The following SBF2 variants were observed in gnomAD, a reference collection of about 807,000 sequenced individuals.
SBF2 encodes the protein myotubularin-related protein 13.
SBF2 carries 112 observed loss-of-function variants against 225.2 expected under a neutral mutation model. The observed-to-expected ratio is 0.50, with a 90% CI of 0.43 to 0.58. The LOEUF is 0.58. Among genes scored for constraint, SBF2 ranks in the 20% least tolerant of loss-of-function variants. SBF2 has a pLI of 0.00. For missense variants in SBF2, 1,996 were observed against 2,206.2 expected, an observed-to-expected ratio of 0.90 and a Z score of 1.91; for synonymous variants, 763 against 773.3, an observed-to-expected ratio of 0.99 and a Z score of 0.22.
chr11:10,227,369 T>C (rs576292787), intron 1 of SBF2, among the ~76,000 whole-genome samples: 1 of 152,328 alleles, frequency 6.6e-6, no homozygotes, highest in East Asian at 1.9e-4. Flanking sequence ...CCATTGCTTT[T>C]GGTGTTTTAG....
intron 1 of SBF2, among the ~76,000 whole-genome samples, chr11:10,212,973 C>T (rs761644983): frequency 1.2e-4 from 18 of 151,756 alleles, no homozygotes; most frequent in African/African-American, 3.6e-4. Context: ...CGCTTGAACC[C>T]GGGAGGCGGA....
At chr11:10,241,642 A>C (rs1248824285) in intron 1 of SBF2, among the ~76,000 whole-genome samples, 2 of 152,152 alleles carry the variant, frequency 1.3e-5, no homozygotes, top group Non-Finnish European at 2.9e-5. Flanking sequence ...TATTATGAAC[A>C]ATGTTATGGT....
intron 2 of SBF2, among the ~76,000 whole-genome samples, chr11:10,142,482 T>G (rs1277739822): frequency 6.6e-6 from 1 of 152,150 alleles, no homozygotes; most frequent in Non-Finnish European, 1.5e-5. Flanking sequence ...GGGCAAAACA[T>G]TTTTTCCTTC....
intron 2 of SBF2, among the ~76,000 whole-genome samples, chr11:10,108,046 T>C (rs1952631933): frequency 6.6e-6 from 1 of 152,194 alleles, no homozygotes; most frequent in Non-Finnish European, 1.5e-5. Flanking sequence ...TTCATGGATA[T>C]AAATGTATAT....
chr11:10,176,202 G>A (rs1459667056), intron 2 of SBF2, among the ~76,000 whole-genome samples: 1 of 146,272 alleles, frequency 6.8e-6, no homozygotes, highest in East Asian at 2.0e-4. Context: ...TGTGTAGAGG[G>A]AAATTTATAG....
intron 6 of SBF2, among the ~76,000 whole-genome samples, chr11:10,007,228 A>G (rs960945481): frequency 8.5e-5 from 13 of 152,200 alleles, no homozygotes; most frequent in African/African-American, 2.4e-4. Flanking sequence ...GGGATGCCCT[A>G]TTCAGGATAA....
intron 2 of SBF2, among the ~76,000 whole-genome samples, chr11:10,127,467 A>G (rs1953809699): frequency 6.6e-6 from 1 of 152,078 alleles, no homozygotes; most frequent in Non-Finnish European, 1.5e-5. Flanking sequence ...TATCTCATCA[A>G]CATCCCTCCA....
At chr11:9,967,992 A>ATATATAT (rs1565073558) in intron 14 of SBF2, among the ~76,000 whole-genome samples, 72 of 131,848 alleles carry the variant, frequency 5.5e-4, no homozygotes, top group Non-Finnish European at 1.0e-3. Context: ...TATATATATA[A>ATATATAT]AATATATATA....
chr11:10,190,977 C>T (rs767951720), intron 2 of SBF2, among the ~76,000 whole-genome samples: 72 of 152,282 alleles, frequency 4.7e-4, no homozygotes, highest in Middle Eastern at 3.4e-3. Context: ...TGTATCCTTG[C>T]TGTTAGATCT....
chr11:9,805,763 C>T (rs1853788899), intron 32 of SBF2, among the ~76,000 whole-genome samples: 2 of 152,182 alleles, frequency 1.3e-5, no homozygotes, highest in South Asian at 2.1e-4. Flanking sequence ...GCTGGGACTA[C>T]AGGCGTGCGC....
intron 1 of SBF2, among the ~76,000 whole-genome samples, chr11:10,260,702 CA>C (rs56816687): frequency 0.053 from 3,215 of 60,880 alleles, 58 homozygotes; most frequent in African/African-American, 0.13. Context: ...GATTCCATCT[CA>C]AAAAAAAAAA....
chr11:9,992,747 T>C (rs1947493744), intron 11 of SBF2, among the ~76,000 whole-genome samples: 1 of 152,142 alleles, frequency 6.6e-6, no homozygotes, highest in East Asian at 1.9e-4. Context: ...TGTCTACATG[T>C]CAGGAGAAGA....
rs1964617577 is a variant in SBF2 at position 10,303,510 on chromosome 11, C to T, written n.386+982G>A. 6.6e-6 allele frequency: 1 copy of T among 152,334 alleles called. No homozygotes were observed. Among genetic ancestry groups the T allele is most frequent in the Admixed American group, 6.5e-5 (1 of 15,292 alleles). 9.4% of individuals were successfully genotyped at this position (152,334 alleles called of 1,614,324 possible). On this transcript the variant is annotated intron_variant and non_coding_transcript_variant, in intron 1 of 5. Coordinates refer to the SBF2 transcript ENST00000685217. The surrounding 1 kb of genome is among the most constrained non-coding windows in gnomAD (Gnocchi z 5.2). ...CCACTCTGGGCAAGGTCCGCGCGAC[C>T]CACTGCCCAGCCGCCTTTGCACCGG...
At chr11:9,906,338 TG>T (rs1862115461) in intron 16 of SBF2, among the ~76,000 whole-genome samples, 2 of 152,282 alleles carry the variant, frequency 1.3e-5, no homozygotes, top group East Asian at 3.9e-4. Context: ...TGACAACAGC[TG>T]TGATATGAAG....
At chr11:10,101,911 G>A (rs1323512664) in intron 2 of SBF2, among the ~76,000 whole-genome samples, 1 of 152,002 alleles carries the variant, frequency 6.6e-6, no homozygotes, top group Non-Finnish European at 1.5e-5. Flanking sequence ...AGGCTGGTCA[G>A]TTACAAACTT....
intron 2 of SBF2, among the ~76,000 whole-genome samples, chr11:10,095,760 C>T (rs759311660): frequency 2.6e-5 from 4 of 152,086 alleles, no homozygotes; most frequent in South Asian, 2.1e-4. Flanking sequence ...TTTAATCACA[C>T]GTACTGCTTT....
At chr11:9,942,934 A>G (rs1034662313) in intron 16 of SBF2, among the ~76,000 whole-genome samples, 1 of 144,992 alleles carries the variant, frequency 6.9e-6, no homozygotes, top group African/African-American at 2.5e-5. Flanking sequence ...AAAGAAAGAA[A>G]GAAAGAAGGA....
chr11:10,028,610 T>G, intron 5 of SBF2, 53 bp from the exon 6 acceptor site: 2 of 1,174,664 alleles, frequency 1.7e-6, no homozygotes, highest in South Asian at 2.4e-5. Context: ...AGCCATTTTT[T>G]AAAAAATAAA....
intron 16 of SBF2, among the ~76,000 whole-genome samples, chr11:9,941,682 C>T (rs534107998): frequency 6.3e-4 from 96 of 152,142 alleles, no homozygotes; most frequent in South Asian, 1.0e-3. Flanking sequence ...CAAATATCTA[C>T]CAAAACTTCT....
Sources: allele counts gnomAD v4.1 joint callset (sites outside exome capture counted in the v4.1 genomes callset), GRCh38; gene constraint gnomAD v4.1.1; non-coding constraint Gnocchi (gnomAD v3.1); transcripts MANE v1.5; gene names NCBI Gene and HGNC (gene_info 2026-07-23, HGNC 2026-07-21).